GHR: variants seen among roughly 807,000 people sequenced by gnomAD.
GHR encodes growth hormone receptor.
GHR carries 35 observed loss-of-function variants against 67.1 expected under a neutral mutation model. That is an observed-to-expected ratio of 0.52 (90% confidence interval 0.40 to 0.69). The LOEUF (loss-of-function observed/expected upper bound fraction) is 0.69, where lower values mean the gene tolerates loss of function less well. GHR is among the 30% of genes least tolerant of loss of function. The pLI, the probability that GHR is intolerant of heterozygous loss-of-function variation, is 0.00. For missense variants in GHR, 792 were observed against 764.6 expected (o/e 1.04, Z -0.42); for synonymous variants, 272 against 269.1 (o/e 1.01, Z -0.10).
intron 3 of GHR, chr5:42,646,485 G>A (rs1754734925): frequency 3.0e-6 from 1 of 332,720 alleles, no homozygotes; most frequent in South Asian, 2.7e-5. Flanking sequence ...ATAAGCAAAA[G>A]GCAGATCTAA....
At chr5:42,578,740 G>T (rs1406680609) in intron 2 of GHR, among the ~76,000 whole-genome samples, 3 of 151,870 alleles carry the variant, frequency 2.0e-5, no homozygotes, top group Non-Finnish European at 4.4e-5. Context: ...CATTTCTCAG[G>T]GACACTACTG....
chr5:42,595,878 A>G (rs929688056), intron 2 of GHR, among the ~76,000 whole-genome samples: 3 of 152,220 alleles, frequency 2.0e-5, no homozygotes, highest in Non-Finnish European at 2.9e-5. Flanking sequence ...CTGACGTGGC[A>G]CTGCACCTCA....
rs556904528 is a variant in GHR at position 42,665,643 on chromosome 5, G to T, written c.137-23247G>T. Among the ~76,000 whole-genome samples, 269 of 152,024 alleles carry T rather than the reference G, an allele frequency of 1.8e-3. 6 individuals are homozygous for T. The highest frequency in any genetic ancestry group is 0.018 in the Admixed American group (267 of 15,246). ...GATAGCTTTAGGAGATATACCTAAT[G>T]CTAAATGACGAGTTAATGGGTGCAG... On this transcript the variant is annotated intron_variant, in intron 3 of 9. Transcript: ENST00000230882.
intron 2 of GHR, among the ~76,000 whole-genome samples, chr5:42,622,101 G>A (rs1014851436): frequency 3.3e-5 from 5 of 152,164 alleles, no homozygotes; most frequent in African/African-American, 1.2e-4. Flanking sequence ...ACCAAAAAGA[G>A]GATTGCTGCC....
chr5:42,456,422 A>C (rs1366500691), intron 1 of GHR, among the ~76,000 whole-genome samples: 1 of 152,230 alleles, frequency 6.6e-6, no homozygotes, highest in Non-Finnish European at 1.5e-5. Context: ...AGGACTAAAA[A>C]TCATGGGACT....
intron 2 of GHR, among the ~76,000 whole-genome samples, chr5:42,605,683 A>G (rs1752598781): frequency 6.6e-6 from 1 of 152,200 alleles, no homozygotes; most frequent in African/African-American, 2.4e-5. Context: ...CTCTCTTTAA[A>G]CATTTACTTT....
intron 1 of GHR, among the ~76,000 whole-genome samples, chr5:42,544,441 A>T (rs796337165): frequency 1.2e-4 from 19 of 152,200 alleles, no homozygotes; most frequent in African/African-American, 4.6e-4. Flanking sequence ...AAATTAGGAC[A>T]GTTTGAAAGC....
chr5:42,681,935 CAAA>C (rs11443605), intron 3 of GHR, among the ~76,000 whole-genome samples: 4 of 79,532 alleles, frequency 5.0e-5, no homozygotes, highest in East Asian at 3.7e-4. Flanking sequence ...GACTCCGTCT[CAAA>C]AAAAAAAAAA....
At chr5:42,530,672 T>C (rs183596289) in intron 1 of GHR, among the ~76,000 whole-genome samples, 8 of 152,344 alleles carry the variant, frequency 5.3e-5, no homozygotes, top group Middle Eastern at 3.4e-3. Flanking sequence ...AAATTGCTGC[T>C]AGCATTGAAC....
intron 1 of GHR, among the ~76,000 whole-genome samples, chr5:42,532,353 GATA>G (rs1561100885): frequency 1.0e-5 from 1 of 99,424 alleles, no homozygotes; most frequent in Non-Finnish European, 2.4e-5. Context: ...ATAGATGATA[GATA>G]GATAGATAGA....
At chr5:42,654,301 T>C (rs946891202) in intron 3 of GHR, among the ~76,000 whole-genome samples, 16 of 152,146 alleles carry the variant, frequency 1.1e-4, no homozygotes, top group Non-Finnish European at 2.2e-4. Flanking sequence ...TAAACGTCTC[T>C]ATTTATGGAA....
At chr5:42,612,604 T>C (rs1393288629) in intron 2 of GHR, among the ~76,000 whole-genome samples, 1 of 152,162 alleles carries the variant, frequency 6.6e-6, no homozygotes. Flanking sequence ...TTACAGTTTG[T>C]AAAATTATTG....
At chr5:42,482,807 A>G (rs1408402705) in intron 1 of GHR, among the ~76,000 whole-genome samples, 1 of 152,144 alleles carries the variant, frequency 6.6e-6, no homozygotes, top group Non-Finnish European at 1.5e-5. Context: ...AGGAAAGGGA[A>G]TTCCCTGACC....
chr5:42,468,083 C>T (rs1744815733), intron 1 of GHR: 1 of 1,021,568 alleles, frequency 9.8e-7, no homozygotes, highest in Non-Finnish European at 1.5e-6. Flanking sequence ...AGCTTCCTCA[C>T]GTATCTCAGT....
chr5:42,425,218 T>C (rs1328003465), intron 1 of GHR, among the ~76,000 whole-genome samples: 1 of 152,174 alleles, frequency 6.6e-6, no homozygotes, highest in Non-Finnish European at 1.5e-5. Context: ...ATGTGTAATA[T>C]GTGTGAGTAC....
chr5:42,545,249 G>T (rs1748685889), intron 1 of GHR, among the ~76,000 whole-genome samples: 1 of 152,086 alleles, frequency 6.6e-6, no homozygotes, highest in Non-Finnish European at 1.5e-5. Flanking sequence ...ATTAATATTA[G>T]CTGAGCTAGG....
intron 2 of GHR, among the ~76,000 whole-genome samples, chr5:42,569,192 G>A (rs1299423982): frequency 6.6e-6 from 1 of 152,226 alleles, no homozygotes; most frequent in Admixed American, 6.5e-5. Flanking sequence ...AACATAAACA[G>A]AAGTGTACAG....
chr5:42,465,305 T>C, intron 1 of GHR: 2 of 462,406 alleles, frequency 4.3e-6, no homozygotes, highest in Non-Finnish European at 7.4e-6. Flanking sequence ...GAAGAACAGA[T>C]TTTTTTTTTG....
intron 2 of GHR, among the ~76,000 whole-genome samples, chr5:42,585,089 C>A (rs968717487): frequency 6.6e-6 from 1 of 152,138 alleles, no homozygotes; most frequent in African/African-American, 2.4e-5. Context: ...GATGAGGTAT[C>A]CTTTCAGCTG....
Sources: gnomAD v4.1 joint callset for allele counts (sites outside exome capture counted in the v4.1 genomes callset) on GRCh38, gnomAD v4.1.1 for gene constraint, MANE v1.5 for transcripts, NCBI Gene and HGNC (gene_info 2026-07-23, HGNC 2026-07-21) for gene names.